Variants in FBXO22 observed in about 807,000 individuals in gnomAD.
FBXO22 encodes F-box only protein 22.
Under a neutral mutation model 37.2 loss-of-function variants are expected in FBXO22, and 13 were observed. The ratio of observed to expected loss-of-function variants is 0.35; its 90% confidence interval spans 0.23 to 0.56. The LOEUF is 0.56. Ranked by LOEUF, FBXO22 falls within the 20% of genes least tolerant of loss-of-function variation. The pLI, the probability that FBXO22 is intolerant of heterozygous loss-of-function variation, is 0.87. For synonymous variants in FBXO22, 189 were observed against 189.1 expected, an observed-to-expected ratio of 1.00 and a Z score of 0.00; for missense variants, 446 against 509.9, an observed-to-expected ratio of 0.87 and a Z score of 1.21.
rs1001487638 is a variant in FBXO22 at position 75,930,741 on chromosome 15, C to A, written c.794+692C>A. Reference sequence around the variant, plus strand: ...GAAACAATTAGGTGGACATAAATATCATTTGTTTCCAGCAGGAAAATCAGA... The same window carrying A: ...GAAACAATTAGGTGGACATAAATATAATTTGTTTCCAGCAGGAAAATCAGA... On this transcript the variant is annotated intron_variant, in intron 6 of 6. Coordinates refer to ENST00000308275, the MANE Select transcript of FBXO22 (RefSeq NM_147188.3). 5.1e-6 allele frequency: 5 copies of A among 985,174 alleles called. No homozygotes were observed. The African/African-American group carries it at 8.7e-5, about 17-fold the overall frequency. 61.0% of individuals were successfully genotyped at this position (985,174 alleles called of 1,614,324 possible). A position where few individuals can be genotyped will look rare whatever the true frequency, so the allele number is the denominator to read the frequency against.
rs373192132 is a variant in FBXO22 at position 75,904,560 on chromosome 15, C to A, written c.210C>A (p.Ser70=). The stretch of plus-strand genomic sequence containing the variant: ...CCCATCGGAGCGTAACCTGGATCTC[C>A]GCAGGCCTGGCGGAGGCCGGCCACC... ...LRTHRSVTWI[S]AGLAEAGHLE... is the part of the protein sequence containing the mutation. Residue 70 remains serine, a synonymous_variant, in exon 2 of 7, where the codon TCC becomes TCA. Coordinates refer to ENST00000308275, the MANE Select transcript of FBXO22 (RefSeq NM_147188.3). 1 of 1,613,434 alleles carries A rather than the reference C, an allele frequency of 6.2e-7. No homozygotes were observed. The highest frequency in any genetic ancestry group is 1.7e-5 in the Admixed American group (1 of 59,934).
At chr15:75,932,104 C>T (rs755509445) in intron 6 of FBXO22, among the ~76,000 whole-genome samples, 7 of 152,088 alleles carry the variant, frequency 4.6e-5, no homozygotes, top group Non-Finnish European at 1.0e-4. Flanking sequence ...GCCCCAGCTC[C>T]TTGAGAGACT....
chr15:75,930,805 G>T, intron 6 of FBXO22: 1 of 985,276 alleles, frequency 1.0e-6, no homozygotes, highest in Non-Finnish European at 1.2e-6. Flanking sequence ...ACTACTATTT[G>T]TTTCCCACTC....
At chr15:75,915,011 A>G (rs977572664) in intron 4 of FBXO22, among the ~76,000 whole-genome samples, 1 of 152,244 alleles carries the variant, frequency 6.6e-6, no homozygotes, top group Non-Finnish European at 1.5e-5. Context: ...CTTGTCACCA[A>G]GGTTGGAGTG....
chr15:75,904,406 T>A, intron 1 of FBXO22, 85 bp from the exon 2 acceptor site: 1 of 1,588,932 alleles, frequency 6.3e-7, no homozygotes, highest in Non-Finnish European at 8.6e-7. Flanking sequence ...CTCCTGCTGC[T>A]GCGCCAGCGG....
Position 75,935,276 on chromosome 15 carries a change from C to G in FBXO22, c.*2174C>G, listed in dbSNP as rs1035100705. 1.3e-5 allele frequency: 2 copies of G among 152,022 alleles called. No individual in the cohort carries two copies. Among genetic ancestry groups the G allele is most frequent in the African/African-American group, 4.8e-5 (2 of 41,362 alleles). The allele number at this position is 152,022 out of a possible 1,614,324, so 9.4% of individuals were successfully genotyped here. On this transcript the variant is annotated 3_prime_UTR_variant, in exon 7 of 7. Transcript: ENST00000308275. ...GTATTAGCTAAAAACAAACTAAATT[C>G]CTAGAGATGACAATCATTGTAGTCC...
At chr15:75,906,157 A>G (rs1207709700) in intron 2 of FBXO22, among the ~76,000 whole-genome samples, 2 of 152,060 alleles carry the variant, frequency 1.3e-5, no homozygotes, top group Non-Finnish European at 2.9e-5. Flanking sequence ...AGATGACTCC[A>G]TTATCTTTGA....
intron 4 of FBXO22, among the ~76,000 whole-genome samples, chr15:75,916,728 C>G (rs899179959): frequency 1.3e-5 from 2 of 151,978 alleles, no homozygotes; most frequent in African/African-American, 2.4e-5. Flanking sequence ...TTCTATGATA[C>G]CAATGTAACT....
At position 75,935,522 on chromosome 15, in the gene FBXO22, T is replaced by C. The variant is rs1168513864; in HGVS notation, c.*2420T>C. 1.3e-5 allele frequency: 2 copies of C among 151,858 alleles called. No individual in the cohort carries two copies. The highest frequency in any genetic ancestry group is 1.5e-5 in the Non-Finnish European group (1 of 68,016). The allele number at this position is 151,858 out of a possible 1,614,324, so 9.4% of individuals were successfully genotyped here. On this transcript the variant is annotated 3_prime_UTR_variant, in exon 7 of 7. Transcript: ENST00000308275. ...GGCTTAAGCAAGGAATATATTTCCA[T>C]GCCCTTTGATCCAAGTAAAATCTAA...
Position 75,941,769 on chromosome 15 carries a change from TTTA to T in FBXO22, c.*8670_*8672del, listed in dbSNP as rs2030980328. Reference sequence around the variant, plus strand: ...CACAGGGAGCAGGAGGGAATGGGAATTTATTGTTTAAGGGGCACAGAGATTAGT... The same window carrying T: ...CACAGGGAGCAGGAGGGAATGGGAATTTGTTTAAGGGGCACAGAGATTAGT... On this transcript the variant is annotated 3_prime_UTR_variant, in exon 7 of 7. Coordinates refer to ENST00000308275, the MANE Select transcript of FBXO22 (RefSeq NM_147188.3). 1 of 152,056 alleles carries T rather than the reference TTTA, an allele frequency of 6.6e-6. No individual in the cohort carries two copies. The highest frequency in any genetic ancestry group is 1.5e-5 in the Non-Finnish European group (1 of 67,980). 9.4% of individuals were successfully genotyped at this position (152,056 alleles called of 1,614,324 possible).
chr15:75,928,459 A>C (rs1438488262), intron 5 of FBXO22, among the ~76,000 whole-genome samples: 1 of 152,190 alleles, frequency 6.6e-6, no homozygotes, highest in Non-Finnish European at 1.5e-5. Context: ...GGAGGCCATT[A>C]TCATTAGCAA....
chr15:75,910,831 C>T (rs1289664652), intron 2 of FBXO22, among the ~76,000 whole-genome samples: 1 of 152,182 alleles, frequency 6.6e-6, no homozygotes, highest in Non-Finnish European at 1.5e-5. Context: ...GTCATGAAGT[C>T]TTTGCCCATG....
intron 2 of FBXO22, among the ~76,000 whole-genome samples, chr15:75,909,151 A>C (rs188518597): frequency 6.6e-6 from 1 of 152,322 alleles, no homozygotes. Flanking sequence ...CTTCAATTGG[A>C]AAGTTTAGTT....
rs1302579888 is a variant in FBXO22, at chr15:75,941,614, C to G, written c.*8512C>G. The G allele has an allele frequency of 6.6e-6, 1 of 152,120 alleles. No homozygotes were observed. Among genetic ancestry groups the G allele is most frequent in the African/African-American group, 2.4e-5 (1 of 41,422 alleles). The allele number at this position is 152,120 out of a possible 1,614,324, so 9.4% of individuals were successfully genotyped here. ...CATAAAAAGGAAATCCTTCTACATA[C>G]TACATCATGGATGAACCTTTCAGAC... On this transcript the variant is annotated 3_prime_UTR_variant, in exon 7 of 7. Coordinates refer to ENST00000308275, the MANE Select transcript of FBXO22 (RefSeq NM_147188.3).
At chr15:75,919,607 T>C (rs951939745) in intron 5 of FBXO22, among the ~76,000 whole-genome samples, 7 of 152,202 alleles carry the variant, frequency 4.6e-5, no homozygotes, top group African/African-American at 1.7e-4. Flanking sequence ...TTCACAGAAT[T>C]GTGAAGATTA....
At chr15:75,923,482 T>C (rs181590779) in intron 5 of FBXO22, among the ~76,000 whole-genome samples, 7 of 152,274 alleles carry the variant, frequency 4.6e-5, no homozygotes, top group African/African-American at 1.7e-4. Flanking sequence ...TTAGGTAGAG[T>C]TGGCCTTCCA....
At chr15:75,930,357 T>G (rs2029969468) in intron 6 of FBXO22, 1 of 1,251,446 alleles carries the variant, frequency 8.0e-7, no homozygotes, top group Non-Finnish European at 1.0e-6. Context: ...ATGTGTCACC[T>G]CCTTTCTAGT....
chr15:75,917,012 A>C (rs1175089948), intron 4 of FBXO22, among the ~76,000 whole-genome samples: 1 of 152,194 alleles, frequency 6.6e-6, no homozygotes, highest in East Asian at 1.9e-4. Context: ...AAATTTTGCA[A>C]CATTTATTTT....
chr15:75,911,536 G>A (rs1333403627), intron 2 of FBXO22, among the ~76,000 whole-genome samples: 1 of 152,008 alleles, frequency 6.6e-6, no homozygotes, highest in African/African-American at 2.4e-5. Context: ...ATTGTGAATG[G>A]GAGTTCACTC....
Sources: gnomAD v4.1 joint callset for allele counts (sites outside exome capture counted in the v4.1 genomes callset) on GRCh38, gnomAD v4.1.1 for gene constraint, MANE v1.5 for transcripts, NCBI Gene and HGNC (gene_info 2026-07-23, HGNC 2026-07-21) for gene names.